PCDHA5: variants seen among roughly 807,000 people sequenced by gnomAD.
The protein encoded by PCDHA5 is protocadherin alpha 5.
PCDHA5 carries 43 observed loss-of-function variants against 61.6 expected under a neutral mutation model. The observed-to-expected ratio is 0.70, with a 90% CI of 0.55 to 0.90. PCDHA5 has a LOEUF of 0.90. PCDHA5 is among the 40% of genes least tolerant of loss of function. The pLI, the probability that PCDHA5 is intolerant of heterozygous loss-of-function variation, is 0.00. For missense variants in PCDHA5, 1,298 were observed against 1,222.7 expected, an observed-to-expected ratio of 1.06 and a Z score of -0.92; for synonymous variants, 627 against 543.9, an observed-to-expected ratio of 1.15 and a Z score of -2.13.
intron 1 of PCDHA5, among the ~76,000 whole-genome samples, chr5:140,831,726 T>G (rs1554133357): frequency 6.6e-6 from 1 of 152,106 alleles, no homozygotes. Context: ...TTTGGTGTTA[T>G]CCTCCCTTGC....
At chr5:140,829,172 G>A (rs2150163481) in intron 1 of PCDHA5, 2 of 1,614,134 alleles carry the variant, frequency 1.2e-6, no homozygotes, top group East Asian at 4.5e-5. Context: ...GCCTGTACGT[G>A]AAGACGCTCA....
At chr5:140,980,713 C>T (rs1034858406) in intron 2 of PCDHA5, among the ~76,000 whole-genome samples, 2 of 151,366 alleles carry the variant, frequency 1.3e-5, no homozygotes, top group Non-Finnish European at 2.9e-5. Flanking sequence ...TGCTCCTATT[C>T]GGGTTTCAAT....
At chr5:140,860,393 A>C (rs1463611060) in intron 1 of PCDHA5, 1 of 152,136 alleles carries the variant, frequency 6.6e-6, no homozygotes, top group Non-Finnish European at 1.5e-5. Flanking sequence ...AAATTGAAAA[A>C]AGCAAAAGCA....
chr5:140,855,887 C>A, intron 1 of PCDHA5: 1 of 985,610 alleles, frequency 1.0e-6, no homozygotes, highest in Non-Finnish European at 1.5e-6. Flanking sequence ...CTTTTTAGAA[C>A]AAAGGCATCA....
chr5:140,898,338 C>G (rs2066670384), intron 1 of PCDHA5, among the ~76,000 whole-genome samples: 2 of 152,188 alleles, frequency 1.3e-5, no homozygotes, highest in African/African-American at 2.4e-5. Flanking sequence ...ACGTTTAAGT[C>G]TTTAATCCAT....
chr5:140,953,045 C>A (rs1414124229), intron 1 of PCDHA5, among the ~76,000 whole-genome samples: 2 of 152,288 alleles, frequency 1.3e-5, no homozygotes, highest in Admixed American at 6.5e-5. Flanking sequence ...CCCCATGATC[C>A]AATCACCTCT....
At chr5:140,862,216 T>C in intron 1 of PCDHA5, 1 of 205,622 alleles carries the variant, frequency 4.9e-6, no homozygotes, top group Non-Finnish European at 9.9e-6. Flanking sequence ...TGCACAGACT[T>C]GATAGAAGTC....
At chr5:140,907,938 T>C (rs2073706734) in intron 1 of PCDHA5, among the ~76,000 whole-genome samples, 1 of 152,206 alleles carries the variant, frequency 6.6e-6, no homozygotes, top group African/African-American at 2.4e-5. Flanking sequence ...TCACATACCT[T>C]TTCCCCAAAT....
intron 1 of PCDHA5, chr5:140,829,556 C>G: frequency 6.2e-7 from 1 of 1,612,808 alleles, no homozygotes; most frequent in Middle Eastern, 1.9e-4. Flanking sequence ...GGAGAACGCG[C>G]TGGTGTCCTA....
chr5:140,877,018 A>G, intron 1 of PCDHA5: 1 of 1,612,420 alleles, frequency 6.2e-7, no homozygotes, highest in Non-Finnish European at 8.5e-7. Flanking sequence ...GGAGAGCGGC[A>G]AGGTGTACGC....
At chr5:141,007,985 A>C (rs2153994605) in intron 3 of PCDHA5, among the ~76,000 whole-genome samples, 1 of 152,322 alleles carries the variant, frequency 6.6e-6, no homozygotes, top group South Asian at 2.1e-4. Context: ...TGTATATATG[A>C]AATGTACATG....
intron 1 of PCDHA5, among the ~76,000 whole-genome samples, chr5:140,891,204 C>T (rs2153433269): frequency 6.6e-6 from 1 of 152,078 alleles, no homozygotes; most frequent in South Asian, 2.1e-4. Flanking sequence ...GCAGTTTTAC[C>T]ATGCTGTGTC....
At chr5:140,982,273 A>G (rs1554243953) in intron 2 of PCDHA5, 2 of 943,086 alleles carry the variant, frequency 2.1e-6, no homozygotes, top group Non-Finnish European at 3.0e-6. Context: ...CTGGAATAGT[A>G]TAGCAGGCAA....
chr5:140,879,126 G>T (rs2057860982), intron 1 of PCDHA5, among the ~76,000 whole-genome samples: 2 of 152,182 alleles, frequency 1.3e-5, no homozygotes, highest in Admixed American at 1.3e-4. Context: ...GATTAGAGCA[G>T]GGGAGATTGT....
intron 1 of PCDHA5, chr5:140,862,804 C>A: frequency 5.2e-6 from 3 of 574,138 alleles, no homozygotes; most frequent in Non-Finnish European, 6.7e-6. Context: ...GCTGGAGCTG[C>A]TGCAGTTCTA....
intron 1 of PCDHA5, among the ~76,000 whole-genome samples, chr5:140,905,145 T>C (rs1264141592): frequency 1.3e-5 from 2 of 152,252 alleles, no homozygotes; most frequent in African/African-American, 4.8e-5. Context: ...TCTGCTGTTA[T>C]ATTTTAGAAT....
chr5:140,860,295 G>C (rs1358884678), intron 1 of PCDHA5: 2 of 151,884 alleles, frequency 1.3e-5, no homozygotes, highest in Non-Finnish European at 2.9e-5. Context: ...GTGGGAGGAC[G>C]GCTTGAGCCT....
intron 1 of PCDHA5, chr5:140,967,880 A>G (rs782459653): frequency 4.3e-6 from 7 of 1,614,060 alleles, no homozygotes; most frequent in Non-Finnish European, 2.5e-6. Context: ...GGACCTGTAT[A>G]GCCCAGTGCC....
At chr5:140,944,558 G>A (rs140707063) in intron 1 of PCDHA5, among the ~76,000 whole-genome samples, 10 of 152,230 alleles carry the variant, frequency 6.6e-5, no homozygotes, top group African/African-American at 2.2e-4. Flanking sequence ...TAGTTTTCCT[G>A]GCAACTTACT....
Sources: allele counts gnomAD v4.1 joint callset (sites outside exome capture counted in the v4.1 genomes callset), GRCh38; gene constraint gnomAD v4.1.1; transcripts MANE v1.5; gene names NCBI Gene and HGNC (gene_info 2026-07-23, HGNC 2026-07-21).